LRRFIP1: variants seen among roughly 807,000 people sequenced by gnomAD.
LRRFIP1 encodes the protein leucine-rich repeat flightless-interacting protein 1.
A neutral mutation model predicts 104.4 loss-of-function variants in LRRFIP1; 62 were observed. That is an observed-to-expected ratio of 0.59 (90% CI 0.48 to 0.73). LRRFIP1 has a LOEUF of 0.73. Ranked by LOEUF, LRRFIP1 falls within the 30% of genes least tolerant of loss-of-function variation. LRRFIP1 has a pLI of 0.00. For synonymous variants in LRRFIP1, 300 were observed against 299.0 expected (o/e 1.00, Z -0.03); for missense variants, 796 against 824.5 (o/e 0.97, Z 0.42).
intron 1 of LRRFIP1, among the ~76,000 whole-genome samples, chr2:237,660,850 G>T (rs2087781430): frequency 6.6e-6 from 1 of 150,536 alleles, no homozygotes; most frequent in Non-Finnish European, 1.5e-5. Flanking sequence ...CATGTCTGTG[G>T]CAGAAAAAGG....
At chr2:237,667,425 A>G (rs1383381256) in intron 1 of LRRFIP1, among the ~76,000 whole-genome samples, 4 of 152,176 alleles carry the variant, frequency 2.6e-5, no homozygotes, top group Admixed American at 2.0e-4. Context: ...CATGGTGTCT[A>G]TGTGCCACAT....
At chr2:237,740,012 G>A (rs1172420891) in intron 11 of LRRFIP1, among the ~76,000 whole-genome samples, 2 of 152,044 alleles carry the variant, frequency 1.3e-5, no homozygotes, top group African/African-American at 2.4e-5. Flanking sequence ...CAGGCTGCAC[G>A]ACCAGACCAG....
Position 237,647,335 on chromosome 2 carries a change from C to A in LRRFIP1, c.96+19595C>A, listed in dbSNP as rs777672197. 9.2e-5 allele frequency among the ~76,000 whole-genome samples: 14 copies of A among 152,028 alleles called. 1 individual carries two copies. Among genetic ancestry groups the A allele is most frequent in the Non-Finnish European group, 1.8e-4 (12 of 67,938 alleles). ...TGGCTCTCATGGCTTCTGCTGTCAGCACAGACTCATTCACTGGCTCTTAAC... is the reference window on the plus strand; with the variant it reads ...TGGCTCTCATGGCTTCTGCTGTCAGAACAGACTCATTCACTGGCTCTTAAC... On this transcript the variant is annotated intron_variant, in intron 1 of 23. Coordinates refer to ENST00000308482, the MANE Select transcript of LRRFIP1 (RefSeq NM_001137550.2).
intron 1 of LRRFIP1, among the ~76,000 whole-genome samples, chr2:237,670,746 T>G (rs768927248): frequency 1.3e-5 from 2 of 152,204 alleles, no homozygotes; most frequent in Non-Finnish European, 2.9e-5. Flanking sequence ...CTATGGGACC[T>G]CTGCAGGCTG....
chr2:237,656,643 G>A (rs13409221), intron 1 of LRRFIP1, among the ~76,000 whole-genome samples: 25,027 of 152,128 alleles, frequency 0.16, 2,499 homozygotes, highest in South Asian at 0.33. Flanking sequence ...TGTGACTCAC[G>A]TATGATTATT....
intron 1 of LRRFIP1, among the ~76,000 whole-genome samples, chr2:237,688,126 C>T (rs10203442): frequency 6.6e-6 from 1 of 152,204 alleles, no homozygotes; most frequent in African/African-American, 2.4e-5. Flanking sequence ...TGAGAGGGCA[C>T]AGAGGAAGAC....
chr2:237,742,874 A>C (rs1283965073), intron 11 of LRRFIP1, among the ~76,000 whole-genome samples: 1 of 152,112 alleles, frequency 6.6e-6, no homozygotes, highest in Non-Finnish European at 1.5e-5. Flanking sequence ...TGGAGCAGGC[A>C]GTGCTCTGAG....
intron 11 of LRRFIP1, among the ~76,000 whole-genome samples, chr2:237,747,158 G>A (rs2057983512): frequency 6.6e-6 from 1 of 152,260 alleles, no homozygotes; most frequent in African/African-American, 2.4e-5. Flanking sequence ...CCTGAGCTAA[G>A]AGCTGGTCTT....
intron 19 of LRRFIP1, chr2:237,765,278 AACACAC>A (rs374059561): frequency 9.2e-5 from 15 of 163,336 alleles, no homozygotes; most frequent in African/African-American, 2.6e-4. Flanking sequence ...AAAAAAAAAA[AACACAC>A]ACACACACAA....
rs750482407 is a variant in LRRFIP1, at chr2:237,756,111, A to G, written c.1055A>G (p.Lys352Arg). The change falls in exon 16 of 24, where the codon AAA becomes AGA. Residue 352 changes from lysine (K) to arginine (R), a missense_variant. Physicochemically the swap from Lys to Arg is conservative, Grantham distance 26 (BLOSUM62 2). Transcript: ENST00000308482. ...EEKNKEFERE[K>R]HAHSILQFQF... ...CCTTTACAGGAATTTGAAAGGGAAA[A>G]ACACGCCCACAGTATACTGCAATTT... 1.2e-6 allele frequency: 2 copies of G among 1,613,370 alleles called. No homozygotes were observed. Among genetic ancestry groups the G allele is most frequent in the African/African-American group, 1.3e-5 (1 of 74,842 alleles).
At position 237,779,404 on chromosome 2, in the gene LRRFIP1, C is replaced by T. The variant is rs1366635414; in HGVS notation, c.1813-18C>T. The T allele has an allele frequency of 6.2e-7, 1 of 1,611,336 alleles. No individual in the cohort carries two copies. Among genetic ancestry groups the T allele is most frequent in the Non-Finnish European group, 8.5e-7 (1 of 1,178,382 alleles). ...GAAACAAGTTCCTTAAAGCTCACTG[C>T]CTTTCCTCCGTTCCCAGCTCCGCTC... is the stretch of plus-strand genomic sequence containing the variant. On this transcript the variant is annotated intron_variant, in intron 23 of 23. Coordinates refer to ENST00000308482, the MANE Select transcript of LRRFIP1 (RefSeq NM_001137550.2).
intron 4 of LRRFIP1, among the ~76,000 whole-genome samples, chr2:237,718,587 G>A (rs1257202308): frequency 1.3e-5 from 2 of 152,134 alleles, no homozygotes; most frequent in South Asian, 2.1e-4. Flanking sequence ...TCCTCTACCC[G>A]AGTCCTTCTA....
chr2:237,746,146 C>T (rs1559764542), intron 11 of LRRFIP1, among the ~76,000 whole-genome samples: 1 of 151,362 alleles, frequency 6.6e-6, no homozygotes, highest in Non-Finnish European at 1.5e-5. Flanking sequence ...GCAACCTCTA[C>T]CTCCTGGGTT....
chr2:237,692,389 C>G, intron 1 of LRRFIP1: 1 of 1,408,924 alleles, frequency 7.1e-7, no homozygotes. Context: ...CTGGCCCGGC[C>G]CGCGAGGGGC....
intron 1 of LRRFIP1, among the ~76,000 whole-genome samples, chr2:237,634,032 AAT>A (rs1216437545): frequency 6.6e-6 from 1 of 152,146 alleles, no homozygotes; most frequent in African/African-American, 2.4e-5. Flanking sequence ...TCATCAGAGT[AAT>A]ATATGTTTTT....
intron 1 of LRRFIP1, among the ~76,000 whole-genome samples, chr2:237,651,463 A>G (rs1420949474): frequency 6.6e-6 from 1 of 152,218 alleles, no homozygotes; most frequent in Non-Finnish European, 1.5e-5. Context: ...ATCAGGATCT[A>G]GAGAGTCCAC....
chr2:237,678,240 A>T (rs752994296), intron 1 of LRRFIP1, among the ~76,000 whole-genome samples: 3 of 152,196 alleles, frequency 2.0e-5, no homozygotes, highest in Non-Finnish European at 4.4e-5. Flanking sequence ...CTTGTTCTAG[A>T]AAAGTAGTAA....
intron 1 of LRRFIP1, among the ~76,000 whole-genome samples, chr2:237,665,388 G>A (rs560063688): frequency 3.3e-4 from 50 of 152,286 alleles, no homozygotes; most frequent in African/African-American, 6.3e-4. Flanking sequence ...TGTGAAACAG[G>A]TATCTCAATT....
chr2:237,760,586 A>G (rs2059754809), intron 19 of LRRFIP1, among the ~76,000 whole-genome samples: 1 of 152,192 alleles, frequency 6.6e-6, no homozygotes, highest in South Asian at 2.1e-4. Flanking sequence ...CGATTCTATG[A>G]CAGAATTATC....
Sources: gnomAD v4.1 joint callset for allele counts (sites outside exome capture counted in the v4.1 genomes callset) on GRCh38, gnomAD v4.1.1 for gene constraint, MANE v1.5 for transcripts, NCBI Gene and HGNC (gene_info 2026-07-23, HGNC 2026-07-21) for gene names.